Variants in NMNAT2 observed in about 807,000 individuals in gnomAD.
The protein encoded by NMNAT2 is nicotinamide/nicotinic acid mononucleotide adenylyltransferase 2.
A neutral mutation model predicts 41.6 loss-of-function variants in NMNAT2; 11 were observed. That is an observed-to-expected ratio of 0.26 (90% CI 0.17 to 0.44). NMNAT2 has a LOEUF of 0.44. NMNAT2 is among the 20% of genes least tolerant of loss of function. NMNAT2 has a pLI of 1.00. For synonymous variants in NMNAT2, 148 were observed against 151.2 expected, an observed-to-expected ratio of 0.98 and a Z score of 0.16; for missense variants, 288 against 407.7, an observed-to-expected ratio of 0.71 and a Z score of 2.53.
intron 8 of NMNAT2, chr1:183,267,006 TG>T (rs1269829505): frequency 1.2e-5 from 2 of 167,844 alleles, no homozygotes; most frequent in Non-Finnish European, 2.6e-5. Context: ...GAGAAGATGA[TG>T]GTAATCATGA....
chr1:183,308,863 G>A (rs1224116774), intron 1 of NMNAT2, among the ~76,000 whole-genome samples: 1 of 152,198 alleles, frequency 6.6e-6, no homozygotes, highest in Admixed American at 6.5e-5. Context: ...AAGTGCTGCA[G>A]AGAGAGGGAG....
intron 1 of NMNAT2, among the ~76,000 whole-genome samples, chr1:183,417,540 C>G (rs1167566667): frequency 6.6e-6 from 1 of 152,100 alleles, no homozygotes; most frequent in Non-Finnish European, 1.5e-5. Context: ...TCCCTGAGGC[C>G]GAACCTAGGC....
rs1663465879 is a variant in NMNAT2 at position 183,368,698 on chromosome 1, C to T, written c.85+49485G>A. On this transcript the variant is annotated intron_variant, in intron 1 of 10. Coordinates refer to ENST00000287713, the MANE Select transcript of NMNAT2 (RefSeq NM_015039.4). ...CCTTCTTGCCTCCCTATTGACACTC[C>T]ATAAATATTTGTTGGCAAGGCCGGT... 2.6e-5 allele frequency among the ~76,000 whole-genome samples: 4 copies of T among 152,172 alleles called. No homozygotes were observed. In the South Asian group the frequency reaches 8.3e-4, roughly 32 times the overall value.
intron 1 of NMNAT2, among the ~76,000 whole-genome samples, chr1:183,376,311 C>T (rs1663678087): frequency 1.3e-5 from 2 of 152,016 alleles, no homozygotes; most frequent in African/African-American, 4.8e-5. Flanking sequence ...TTCTCCTTTC[C>T]AGGAGTTTAC....
At chr1:183,399,508 CT>C (rs1252501833) in intron 1 of NMNAT2, among the ~76,000 whole-genome samples, 9 of 152,284 alleles carry the variant, frequency 5.9e-5, no homozygotes, top group Admixed American at 2.6e-4. Flanking sequence ...ACCATTCCTT[CT>C]GAAACTTTTC....
intron 3 of NMNAT2, 46 bp from the exon 4 acceptor site, chr1:183,290,252 T>C: frequency 6.9e-7 from 1 of 1,455,366 alleles, no homozygotes; most frequent in African/African-American, 1.4e-5. Flanking sequence ...GTTCTCATAT[T>C]CTTTCCTTAT....
intron 1 of NMNAT2, among the ~76,000 whole-genome samples, chr1:183,347,615 T>G (rs1188776628): frequency 5.3e-5 from 8 of 152,218 alleles, no homozygotes; most frequent in Non-Finnish European, 1.0e-4. Context: ...AGTACAATAC[T>G]ACCCTTGTGT....
chr1:183,329,587 A>C (rs1161966958), intron 1 of NMNAT2, among the ~76,000 whole-genome samples: 2 of 152,132 alleles, frequency 1.3e-5, no homozygotes, highest in Non-Finnish European at 2.9e-5. Flanking sequence ...TCAAGCCCTC[A>C]CTGTTCCCCT....
intron 1 of NMNAT2, chr1:183,304,823 CATT>C: frequency 6.2e-6 from 10 of 1,602,688 alleles, no homozygotes; most frequent in Non-Finnish European, 7.7e-6. Flanking sequence ...GCTGCTCCCT[CATT>C]GTTGCTGATC....
At chr1:183,404,987 G>A (rs1029532733) in intron 1 of NMNAT2, among the ~76,000 whole-genome samples, 4 of 152,194 alleles carry the variant, frequency 2.6e-5, no homozygotes, top group African/African-American at 7.2e-5. Context: ...TCGGGAGGAC[G>A]AGGTGGGATG....
intron 1 of NMNAT2, among the ~76,000 whole-genome samples, chr1:183,335,573 T>G (rs1017751382): frequency 2.0e-5 from 3 of 152,198 alleles, no homozygotes; most frequent in African/African-American, 4.8e-5. Context: ...TATGTTTCCT[T>G]GGGATAGACA....
intron 1 of NMNAT2, among the ~76,000 whole-genome samples, chr1:183,296,544 G>A (rs555516066): frequency 3.3e-5 from 5 of 149,258 alleles, no homozygotes; most frequent in African/African-American, 1.2e-4. Flanking sequence ...ATGGAGTCTA[G>A]CTCTGTTGCC....
chr1:183,260,989 T>C lies in NMNAT2; in HGVS notation c.821+13A>G. ...GTTTGACTAAAGTCTCTCTGGCCAT[T>C]TGTCAAACATACCTGCTCTTGGTTG... On this transcript the variant is annotated intron_variant, in intron 10 of 10. Transcript: ENST00000287713. 6.2e-7 allele frequency: 1 copy of C among 1,607,126 alleles called. No individual in the cohort carries two copies. The highest frequency in any genetic ancestry group is 1.3e-5 in the African/African-American group (1 of 74,872).
chr1:183,272,521 G>A (rs1661011415), intron 8 of NMNAT2, among the ~76,000 whole-genome samples: 1 of 152,204 alleles, frequency 6.6e-6, no homozygotes, highest in Non-Finnish European at 1.5e-5. Context: ...AATTTGCTGT[G>A]GGCTAATGGA....
At chr1:183,362,145 G>T (rs970035803) in intron 1 of NMNAT2, among the ~76,000 whole-genome samples, 3 of 151,846 alleles carry the variant, frequency 2.0e-5, no homozygotes, top group Non-Finnish European at 2.9e-5. Flanking sequence ...CTTCATTTTG[G>T]CCAGGCTGGT....
rs561732992 is a variant in NMNAT2, at chr1:183,317,111, T to C, written c.86-23318A>G. On this transcript the variant is annotated intron_variant, in intron 1 of 10. Coordinates refer to ENST00000287713, the MANE Select transcript of NMNAT2 (RefSeq NM_015039.4). ...GGAATTCCAGTAACCTGTGTCAAAG[T>C]GGAGTAGACTCTTCTAAATGGGAAC... 3.3e-5 allele frequency among the ~76,000 whole-genome samples: 5 copies of C among 152,238 alleles called. No individual in the cohort carries two copies. The East Asian group carries it at 7.7e-4, about 23-fold the overall frequency.
At chr1:183,344,517 T>C (rs1662884970) in intron 1 of NMNAT2, among the ~76,000 whole-genome samples, 1 of 152,234 alleles carries the variant, frequency 6.6e-6, no homozygotes, top group Non-Finnish European at 1.5e-5. Flanking sequence ...AATTTGCCTT[T>C]TCATCTTTAT....
chr1:183,323,417 T>C (rs1662397110), intron 1 of NMNAT2, among the ~76,000 whole-genome samples: 1 of 152,134 alleles, frequency 6.6e-6, no homozygotes, highest in Admixed American at 6.5e-5. Flanking sequence ...AGCTTTTTCA[T>C]CTCCACTGCC....
intron 1 of NMNAT2, among the ~76,000 whole-genome samples, chr1:183,337,127 G>A (rs1662690850): frequency 6.6e-6 from 1 of 152,068 alleles, no homozygotes; most frequent in African/African-American, 2.4e-5. Flanking sequence ...TTACACAGGT[G>A]TATTTGTCAA....
Sources: allele counts gnomAD v4.1 joint callset (sites outside exome capture counted in the v4.1 genomes callset), GRCh38; gene constraint gnomAD v4.1.1; transcripts MANE v1.5; gene names NCBI Gene and HGNC (gene_info 2026-07-23, HGNC 2026-07-21).